Variants in TPRG1 observed in about 807,000 individuals in gnomAD.
The protein encoded by TPRG1 is tumor protein p63-regulated gene 1 protein.
TPRG1 carries 29 observed loss-of-function variants against 29.3 expected under a neutral mutation model. That is an observed-to-expected ratio of 0.99 (90% CI 0.74 to 1.35). The LOEUF (loss-of-function observed/expected upper bound fraction) is 1.35. Ranked by LOEUF, TPRG1 falls within the 40% of genes most tolerant of loss-of-function variation. The pLI is 0.00. For missense variants in TPRG1, 327 were observed against 335.0 expected, an observed-to-expected ratio of 0.98 and a Z score of 0.19; for synonymous variants, 130 against 116.8, an observed-to-expected ratio of 1.11 and a Z score of -0.73.
intron 4 of TPRG1, among the ~76,000 whole-genome samples, chr3:189,271,231 T>C (rs936116374): frequency 1.3e-5 from 2 of 152,188 alleles, no homozygotes; most frequent in African/African-American, 4.8e-5. Flanking sequence ...TTTAGACGAA[T>C]ACATGGGCAA....
chr3:189,193,797 A>G (rs533684926), intron 1 of TPRG1, among the ~76,000 whole-genome samples: 46 of 150,654 alleles, frequency 3.1e-4, no homozygotes, highest in Non-Finnish European at 6.2e-4. Flanking sequence ...TCTCATTCAT[A>G]CCATGAGTTG....
chr3:189,242,168 A>G (rs1740719077), intron 4 of TPRG1, among the ~76,000 whole-genome samples: 1 of 152,088 alleles, frequency 6.6e-6, no homozygotes, highest in Admixed American at 6.6e-5. Context: ...GGCAGGCTAG[A>G]TTTCTCGATA....
At position 189,108,755 on chromosome 3, in the gene TPRG1, A is replaced by G. The variant is rs56230712; in HGVS notation, c.-744+8551A>G. The stretch of plus-strand genomic sequence containing the variant: ...CAACATTTATGGTACCTTATGAAAT[A>G]GGATAGCTTGCTCAAGTATTTCTAT... On this transcript the variant is annotated intron_variant, in intron 1 of 6. Transcript: ENST00000412373. Among the ~76,000 whole-genome samples, 726 of 152,296 alleles carry G rather than the reference A, an allele frequency of 4.8e-3. 7 individuals are homozygous for G. The highest frequency in any genetic ancestry group is 0.015 in the African/African-American group (632 of 41,566).
intron 4 of TPRG1, among the ~76,000 whole-genome samples, chr3:189,094,516 T>A (rs569954982): frequency 7.5e-4 from 114 of 152,300 alleles, no homozygotes; most frequent in African/African-American, 2.7e-3. Flanking sequence ...TCAGAACTGC[T>A]TCACGTCCTT....
At chr3:189,285,907 C>G (rs1207598008) in intron 4 of TPRG1, among the ~76,000 whole-genome samples, 1 of 152,100 alleles carries the variant, frequency 6.6e-6, no homozygotes, top group Non-Finnish European at 1.5e-5. Context: ...TACAATATTT[C>G]ACTTATATCA....
At chr3:189,258,805 A>G (rs926535284) in intron 4 of TPRG1, among the ~76,000 whole-genome samples, 2 of 152,064 alleles carry the variant, frequency 1.3e-5, no homozygotes, top group African/African-American at 2.4e-5. Flanking sequence ...TTACACTGTG[A>G]GGGGAAAACT....
chr3:189,320,283 C>T (rs767497703), intron 5 of TPRG1, among the ~76,000 whole-genome samples: 7 of 152,022 alleles, frequency 4.6e-5, no homozygotes, highest in Non-Finnish European at 7.4e-5. Flanking sequence ...AGTACTAATA[C>T]CGATGCAAAT....
At position 189,243,179 on chromosome 3, in the gene TPRG1, A is replaced by G. The variant is rs116170222; in HGVS notation, c.479+4270A>G. Among the ~76,000 whole-genome samples the G allele has an allele frequency of 9.6e-3, 1,463 of 152,316 alleles. 18 individuals are homozygous for G. The highest frequency in any genetic ancestry group is 0.033 in the African/African-American group (1,391 of 41,582). ...TCTGTGGAGGCCTTAGGAAATTTCT[A>G]ATCATGGCAGAAAACAAAGGGGGAG... On this transcript the variant is annotated intron_variant, in intron 4 of 5. Coordinates refer to ENST00000345063, the MANE Select transcript of TPRG1 (RefSeq NM_198485.4).
chr3:189,182,097 C>T (rs1730307020), intron 1 of TPRG1, among the ~76,000 whole-genome samples: 1 of 152,180 alleles, frequency 6.6e-6, no homozygotes, highest in Non-Finnish European at 1.5e-5. Context: ...CCACTGGGTT[C>T]CTCCCACAAC....
At chr3:189,252,795 G>A (rs903660468) in intron 4 of TPRG1, among the ~76,000 whole-genome samples, 2 of 152,096 alleles carry the variant, frequency 1.3e-5, no homozygotes, top group South Asian at 2.1e-4. Context: ...AATTTTTAAA[G>A]TGCTAAAATA....
Position 189,322,370 on chromosome 3 carries a change from A to G in TPRG1, c.*1550A>G, listed in dbSNP as rs1724394282. On this transcript the variant is annotated 3_prime_UTR_variant, in exon 6 of 6. Transcript: ENST00000345063. ...TTTTATTTTGTCTTTGTTTACTTCC[A>G]TTAATTTTTTTTTCTTTCCCTCTCT... 6.6e-6 allele frequency: 1 copy of G among 152,408 alleles called. No homozygotes were observed. The highest frequency in any genetic ancestry group is 6.6e-5 in the Admixed American group (1 of 15,222). 9.4% of individuals were successfully genotyped at this position (152,408 alleles called of 1,614,324 possible). A position where few individuals can be genotyped will look rare whatever the true frequency, so the allele number is the denominator to read the frequency against.
At chr3:189,292,015 A>G (rs1719082135) in intron 4 of TPRG1, among the ~76,000 whole-genome samples, 1 of 152,208 alleles carries the variant, frequency 6.6e-6, no homozygotes, top group South Asian at 2.1e-4. Context: ...ATGTCTTCTA[A>G]TTCTCCAGAT....
intron 3 of TPRG1, 51 bp downstream of exon 3, chr3:189,215,434 G>A (rs1337384222): frequency 1.4e-6 from 2 of 1,460,322 alleles, no homozygotes; most frequent in East Asian, 2.3e-5. Context: ...CGTTTTCCTT[G>A]ACATCACTGT....
chr3:189,022,792 C>G (rs1713412942), intron 3 of TPRG1, among the ~76,000 whole-genome samples: 1 of 152,246 alleles, frequency 6.6e-6, no homozygotes, highest in Non-Finnish European at 1.5e-5. Flanking sequence ...TTTACCTAAT[C>G]AAGCCGGGGC....
intron 2 of TPRG1, among the ~76,000 whole-genome samples, chr3:189,128,865 GTTCAAGCGA>G (rs755108687): frequency 1.3e-5 from 2 of 152,152 alleles, no homozygotes; most frequent in African/African-American, 2.4e-5. Context: ...CACCTCCCGG[GTTCAAGCGA>G]TTCTTCTGCC....
chr3:189,159,106 G>T (rs1727102776), intron 5 of TPRG1, among the ~76,000 whole-genome samples: 1 of 152,024 alleles, frequency 6.6e-6, no homozygotes, highest in Non-Finnish European at 1.5e-5. Context: ...CACACCACAT[G>T]TGCACCCTGC....
At chr3:189,056,673 A>G (rs1199752003) in intron 4 of TPRG1, among the ~76,000 whole-genome samples, 1 of 152,192 alleles carries the variant, frequency 6.6e-6, no homozygotes, top group Non-Finnish European at 1.5e-5. Context: ...GAAAGTGCCT[A>G]GTATAGGTTT....
At chr3:189,217,619 ATTTGACAGTTTATTTTC>A (rs1016862049) in intron 3 of TPRG1, among the ~76,000 whole-genome samples, 3 of 152,132 alleles carry the variant, frequency 2.0e-5, no homozygotes, top group African/African-American at 7.2e-5. Context: ...CATGGTGAGA[ATTTGACAGTTTATTTTC>A]TTTGCTTGTT....
chr3:189,104,365 T>A (rs1466981149), intron 1 of TPRG1, among the ~76,000 whole-genome samples: 1 of 152,034 alleles, frequency 6.6e-6, no homozygotes, highest in Admixed American at 6.6e-5. Context: ...TGGGTTGGAA[T>A]TGCAAAGGGA....
Sources: allele counts gnomAD v4.1 joint callset (sites outside exome capture counted in the v4.1 genomes callset), GRCh38; gene constraint gnomAD v4.1.1; transcripts MANE v1.5; gene names NCBI Gene and HGNC (gene_info 2026-07-23, HGNC 2026-07-21).